GRID2: variants seen among roughly 807,000 people sequenced by gnomAD.
The protein encoded by GRID2 is glutamate ionotropic receptor delta type subunit 2.
A neutral mutation model predicts 114.8 loss-of-function variants in GRID2; 33 were observed. The observed-to-expected ratio is 0.29, with a 90% CI of 0.22 to 0.38. The LOEUF is 0.38. Ranked by LOEUF, GRID2 falls within the 10% of genes least tolerant of loss-of-function variation. The pLI, the probability that GRID2 is intolerant of heterozygous loss-of-function variation, is 1.00. For missense variants in GRID2, 1,184 were observed against 1,257.7 expected (o/e 0.94, Z 0.89); for synonymous variants, 505 against 449.9 (o/e 1.12, Z -1.55).
At chr4:93,619,568 T>C (rs909584726) in intron 13 of GRID2, among the ~76,000 whole-genome samples, 1 of 152,218 alleles carries the variant, frequency 6.6e-6, no homozygotes, top group Non-Finnish European at 1.5e-5. Flanking sequence ...TCATTTTTAT[T>C]TGATGAGGAA....
At chr4:92,878,509 T>A (rs536697906) in intron 2 of GRID2, among the ~76,000 whole-genome samples, 1 of 152,268 alleles carries the variant, frequency 6.6e-6, no homozygotes, top group South Asian at 2.1e-4. Context: ...TGGATGGTAG[T>A]TTGAACTTTA....
chr4:93,798,621 A>T (rs938178994), intron 1 of GRID2, among the ~76,000 whole-genome samples: 2 of 152,340 alleles, frequency 1.3e-5, no homozygotes, highest in South Asian at 2.1e-4. Context: ...GAAACTGCTT[A>T]AAAAATCTGT....
At chr4:92,649,144 AAC>A (rs1731801986) in intron 2 of GRID2, among the ~76,000 whole-genome samples, 1 of 107,586 alleles carries the variant, frequency 9.3e-6, no homozygotes, top group Non-Finnish European at 1.8e-5. Flanking sequence ...CTACTATACT[AAC>A]TATATATGTA....
intron 11 of GRID2, among the ~76,000 whole-genome samples, chr4:93,461,729 A>G (rs1723759886): frequency 6.6e-6 from 1 of 152,142 alleles, no homozygotes; most frequent in Admixed American, 6.5e-5. Flanking sequence ...CTGGAACATT[A>G]AGAGCTTGTG....
In GRID2 at chr4:93,656,745, C is replaced by A. The variant is rs13134770; in HGVS notation, c.2360+30310C>A. ...CTCGGGAGGCTGAGGCAGGAGAATG[C>A]CGTGAACCCGGGAGGCAGAGCTTGC... On this transcript the variant is annotated intron_variant, in intron 14 of 15. Coordinates refer to ENST00000282020, the MANE Select transcript of GRID2 (RefSeq NM_001510.4). Among the ~76,000 whole-genome samples, 10 of 127,844 alleles carry A rather than the reference C, an allele frequency of 7.8e-5. 1 individual carries two copies. The highest frequency in any genetic ancestry group is 2.8e-4 in the African/African-American group (10 of 36,150). The allele number at this position is 127,844 out of a possible 152,430, so 83.9% of individuals were successfully genotyped here. A position where few individuals can be genotyped will look rare whatever the true frequency, so the allele number is the denominator to read the frequency against.
At chr4:92,534,058 G>A (rs774887136) in intron 1 of GRID2, among the ~76,000 whole-genome samples, 1 of 152,044 alleles carries the variant, frequency 6.6e-6, no homozygotes, top group Non-Finnish European at 1.5e-5. Context: ...TTGTGTGGAT[G>A]TATCCTTTCA....
chr4:92,760,562 G>C (rs1427956851), intron 2 of GRID2, among the ~76,000 whole-genome samples: 2 of 152,100 alleles, frequency 1.3e-5, no homozygotes, highest in Admixed American at 1.3e-4. Flanking sequence ...GTCTTACTGT[G>C]ACTATATCAC....
Position 93,603,008 on chromosome 4 carries a change from G to A in GRID2, c.2194-23261G>A, listed in dbSNP as rs187572663. Among the ~76,000 whole-genome samples, 643 of 152,254 alleles carry A rather than the reference G, an allele frequency of 4.2e-3. 2 individuals carry two copies. Among genetic ancestry groups the A allele is most frequent in the African/African-American group, 0.014 (564 of 41,552 alleles). ...GCAAATCACCTGAGGTCAGGAGTTC[G>A]AGACCAGCCTGGCCAACATGGTGAA... On this transcript the variant is annotated intron_variant, in intron 13 of 15. Transcript: ENST00000282020.
intron 4 of GRID2, among the ~76,000 whole-genome samples, chr4:93,133,681 C>T (rs1370962481): frequency 6.6e-6 from 1 of 152,046 alleles, no homozygotes; most frequent in Non-Finnish European, 1.5e-5. Flanking sequence ...ATGCTGGGCA[C>T]ATTGTACAGC....
rs532511019 is a variant in GRID2, at chr4:93,003,713, T to C, written c.245-81282T>C. On this transcript the variant is annotated intron_variant, in intron 2 of 15. Coordinates refer to ENST00000282020, the MANE Select transcript of GRID2 (RefSeq NM_001510.4). ...TTAGAGATAAACAGCTGTGTCTTTA[T>C]AGAATGCTTATGCTAATGTGCATCA... 3.9e-5 allele frequency among the ~76,000 whole-genome samples: 6 copies of C among 152,072 alleles called. No homozygotes were observed. The East Asian group carries it at 1.2e-3, about 29-fold the overall frequency.
At chr4:93,731,431 G>A (rs954912252) in intron 14 of GRID2, among the ~76,000 whole-genome samples, 1 of 152,218 alleles carries the variant, frequency 6.6e-6, no homozygotes, top group Non-Finnish European at 1.5e-5. Context: ...TGGTGACAAT[G>A]AGAACGTGTG....
chr4:93,083,761 C>G (rs964939219), intron 2 of GRID2, among the ~76,000 whole-genome samples: 3 of 150,084 alleles, frequency 2.0e-5, no homozygotes, highest in Non-Finnish European at 3.0e-5. Flanking sequence ...TCAGTATAAT[C>G]TCTTTCATGA....
Position 93,531,867 on chromosome 4 carries a change from T to C in GRID2, c.2193+16456T>C, listed in dbSNP as rs1313540944. Among the ~76,000 whole-genome samples the C allele has an allele frequency of 2.0e-5, 3 of 152,122 alleles. No individual in the cohort carries two copies. The East Asian group carries it at 5.8e-4, about 29-fold the overall frequency. On this transcript the variant is annotated intron_variant, in intron 13 of 15. Transcript: ENST00000282020. ...TTTTATTTTTCATATTTATGTTTAT[T>C]TTTCCCTATTAGAATTAGTTACAAT...
chr4:93,257,995 TATATACACACAC>T (rs1164056675), intron 8 of GRID2, among the ~76,000 whole-genome samples: 123 of 41,840 alleles, frequency 2.9e-3, no homozygotes, highest in African/African-American at 5.1e-3. Flanking sequence ...TATATATATA[TATATACACACAC>T]ACACACACAC....
At chr4:92,750,294 C>T (rs1015669741) in intron 2 of GRID2, among the ~76,000 whole-genome samples, 1 of 152,194 alleles carries the variant, frequency 6.6e-6, no homozygotes, top group African/African-American at 2.4e-5. Flanking sequence ...GAAATACTTC[C>T]TCCAAACAGG....
downstream of GRID2, among the ~76,000 whole-genome samples, chr4:93,777,195 G>T (rs917834176): frequency 6.6e-6 from 1 of 152,182 alleles, no homozygotes; most frequent in African/African-American, 2.4e-5. Flanking sequence ...CTGCACAGAG[G>T]CATGGAACAG....
At chr4:93,415,468 T>C (rs1767613542) in intron 9 of GRID2, among the ~76,000 whole-genome samples, 1 of 152,112 alleles carries the variant, frequency 6.6e-6, no homozygotes, top group South Asian at 2.1e-4. Flanking sequence ...GTTTGGTATT[T>C]TTCAGTTCCT....
intron 1 of GRID2, among the ~76,000 whole-genome samples, chr4:92,439,542 G>C (rs1327430560): frequency 6.6e-6 from 1 of 151,686 alleles, no homozygotes; most frequent in Non-Finnish European, 1.5e-5. Flanking sequence ...ATTAGGGGCG[G>C]CGTGGGAACC....
chr4:93,376,067 A>G (rs1206226245), intron 8 of GRID2, among the ~76,000 whole-genome samples: 2 of 152,088 alleles, frequency 1.3e-5, no homozygotes, highest in South Asian at 2.1e-4. Context: ...TCCTGTAACT[A>G]CAACAGTCTG....
Sources: allele counts gnomAD v4.1 joint callset (sites outside exome capture counted in the v4.1 genomes callset), GRCh38; gene constraint gnomAD v4.1.1; transcripts MANE v1.5; gene names NCBI Gene and HGNC (gene_info 2026-07-23, HGNC 2026-07-21).